The following GPC5 variants were observed in gnomAD, a reference collection of about 807,000 sequenced individuals.
GPC5 encodes the protein glypican-5.
GPC5 carries 47 observed loss-of-function variants against 53.9 expected under a neutral mutation model. That is an observed-to-expected ratio of 0.87 (90% CI 0.69 to 1.11). The LOEUF is 1.11. Among genes scored for constraint, GPC5 ranks in the 50% most tolerant of loss-of-function variants. GPC5 has a pLI of 0.00. For missense variants in GPC5, 748 were observed against 713.1 expected (o/e 1.05, Z -0.56); for synonymous variants, 286 against 263.3 (o/e 1.09, Z -0.84).
At chr13:91,826,025 G>A (rs984581105) in intron 5 of GPC5, among the ~76,000 whole-genome samples, 2 of 151,982 alleles carry the variant, frequency 1.3e-5, no homozygotes, top group African/African-American at 4.8e-5. Context: ...AGTTAGTCTG[G>A]ACAAGTTAAC....
At chr13:91,486,560 G>A (rs570612795) in intron 2 of GPC5, 8 of 152,248 alleles carry the variant, frequency 5.3e-5, no homozygotes, top group African/African-American at 1.9e-4. Context: ...AAGTGAAAAA[G>A]CTAATGCATA....
chr13:92,042,005 A>G (rs1171792485), intron 6 of GPC5, among the ~76,000 whole-genome samples: 1 of 152,110 alleles, frequency 6.6e-6, no homozygotes, highest in Non-Finnish European at 1.5e-5. Flanking sequence ...GCACCTGGAG[A>G]TGGGCACCCA....
chr13:92,410,600 T>C (rs866447488), intron 7 of GPC5, among the ~76,000 whole-genome samples: 11 of 152,330 alleles, frequency 7.2e-5, no homozygotes, highest in South Asian at 4.1e-4. Context: ...CTAAGCTCTC[T>C]AGCTGTGATA....
At chr13:92,582,444 G>C (rs766275478) in intron 7 of GPC5, among the ~76,000 whole-genome samples, 4 of 151,982 alleles carry the variant, frequency 2.6e-5, no homozygotes, top group Non-Finnish European at 5.9e-5. Context: ...TGGGTTATGT[G>C]ATTCTCTCAG....
At chr13:92,850,292 T>C (rs1302599596) in intron 7 of GPC5, among the ~76,000 whole-genome samples, 1 of 152,118 alleles carries the variant, frequency 6.6e-6, no homozygotes, top group African/African-American at 2.4e-5. Flanking sequence ...ATTTGCTCTA[T>C]AGATTCCTCT....
chr13:92,320,139 G>T (rs1439971110), intron 7 of GPC5, among the ~76,000 whole-genome samples: 2 of 152,044 alleles, frequency 1.3e-5, no homozygotes, highest in Admixed American at 6.6e-5. Flanking sequence ...TATACATTAG[G>T]ATTAAAAGTA....
chr13:92,858,322 T>A (rs1237381404), intron 7 of GPC5, among the ~76,000 whole-genome samples: 1 of 152,158 alleles, frequency 6.6e-6, no homozygotes, highest in Non-Finnish European at 1.5e-5. Context: ...CCTGCCACCA[T>A]CCCTTTGCTC....
intron 1 of GPC5, among the ~76,000 whole-genome samples, chr13:91,448,059 A>G (rs1295252417): frequency 8.5e-5 from 13 of 152,216 alleles, no homozygotes; most frequent in African/African-American, 3.1e-4. Context: ...TTTTGTAACC[A>G]TAACTCTTAC....
At chr13:91,576,872 A>T (rs2032157499) in intron 2 of GPC5, among the ~76,000 whole-genome samples, 1 of 152,114 alleles carries the variant, frequency 6.6e-6, no homozygotes, top group African/African-American at 2.4e-5. Context: ...AAAACTCTTA[A>T]TGTCACACTT....
At chr13:92,739,085 G>A (rs137912054) in intron 7 of GPC5, among the ~76,000 whole-genome samples, 76 of 152,038 alleles carry the variant, frequency 5.0e-4, no homozygotes, top group African/African-American at 9.9e-4. Flanking sequence ...ATTCACTGCC[G>A]CCTCATAAAA....
At chr13:92,755,949 G>A (rs368311011) in intron 7 of GPC5, among the ~76,000 whole-genome samples, 38 of 151,324 alleles carry the variant, frequency 2.5e-4, no homozygotes, top group Admixed American at 5.3e-4. Flanking sequence ...CAATCAATAG[G>A]AAAAGAGGGA....
chr13:91,806,021 ATTTTTTTTTTTTTTTT>A lies in GPC5; in HGVS notation c.1280+49616_1280+49631del, dbSNP rs71113764. On this transcript the variant is annotated intron_variant, in intron 5 of 7. Coordinates refer to ENST00000377067, the MANE Select transcript of GPC5 (RefSeq NM_004466.6). ...ATGTGAACCTTCAACAAATACAATA[ATTTTTTTTTTTTTTTT>A]TTTTTTTTTTTTTTGGAGACCGAGT... 1.9e-4 allele frequency among the ~76,000 whole-genome samples: 9 copies of A among 48,560 alleles called. 1 individual carries two copies. Among genetic ancestry groups the A allele is most frequent in the Admixed American group, 3.7e-4 (1 of 2,710 alleles). The allele number at this position is 48,560 out of a possible 152,430, so 31.9% of individuals were successfully genotyped here. A position where few individuals can be genotyped will look rare whatever the true frequency, so the allele number is the denominator to read the frequency against.
chr13:92,237,789 C>A (rs987786270), intron 7 of GPC5, among the ~76,000 whole-genome samples: 1 of 152,046 alleles, frequency 6.6e-6, no homozygotes, highest in Admixed American at 6.6e-5. Flanking sequence ...TTCATCACCC[C>A]ATAAAGAAAC....
intron 7 of GPC5, among the ~76,000 whole-genome samples, chr13:92,651,425 G>C (rs949346930): frequency 1.3e-5 from 2 of 152,062 alleles, no homozygotes; most frequent in African/African-American, 4.8e-5. Flanking sequence ...CTAATCATGA[G>C]AGAAACATCA....
chr13:92,104,330 A>G (rs1258239653), intron 6 of GPC5, among the ~76,000 whole-genome samples: 1 of 152,188 alleles, frequency 6.6e-6, no homozygotes, highest in African/African-American at 2.4e-5. Flanking sequence ...TTCTTTCTTG[A>G]AGAAATGCTC....
Position 92,242,268 on chromosome 13 carries a change from A to G in GPC5, c.1561+97279A>G, listed in dbSNP as rs112193078. Among the ~76,000 whole-genome samples the G allele has an allele frequency of 5.7e-3, 866 of 151,956 alleles. 12 individuals carry two copies. Among genetic ancestry groups the G allele is most frequent in the African/African-American group, 0.02 (832 of 41,488 alleles). ...AAAAAAAAAATTATTCAGTTCACCA[A>G]GCCCACCAAGCCTTCTTTCCTATTA... On this transcript the variant is annotated intron_variant, in intron 7 of 7. Transcript: ENST00000377067.
At chr13:92,720,329 A>C (rs1028575302) in intron 7 of GPC5, among the ~76,000 whole-genome samples, 21 of 152,170 alleles carry the variant, frequency 1.4e-4, no homozygotes, top group African/African-American at 5.1e-4. Context: ...CTAGACTGAG[A>C]TAATAAAGGT....
chr13:92,698,382 G>A (rs962264185), intron 7 of GPC5, among the ~76,000 whole-genome samples: 1 of 151,014 alleles, frequency 6.6e-6, no homozygotes, highest in East Asian at 2.0e-4. Flanking sequence ...TGTTCTCATT[G>A]TTCAATTCCC....
At chr13:91,718,538 G>T (rs2036395636) in intron 3 of GPC5, among the ~76,000 whole-genome samples, 1 of 151,804 alleles carries the variant, frequency 6.6e-6, no homozygotes. Context: ...TTTGTAGTTT[G>T]TGGTGCTACC....
Sources: allele counts gnomAD v4.1 joint callset (sites outside exome capture counted in the v4.1 genomes callset), GRCh38; gene constraint gnomAD v4.1.1; transcripts MANE v1.5; gene names NCBI Gene and HGNC (gene_info 2026-07-23, HGNC 2026-07-21).